The following LRRC4C variants were observed in gnomAD, a reference collection of about 807,000 sequenced individuals.
LRRC4C encodes the protein leucine-rich repeat-containing protein 4C.
LRRC4C carries 5 observed loss-of-function variants against 33.6 expected under a neutral mutation model. The observed-to-expected ratio is 0.15, with a 90% CI of 0.08 to 0.31. The LOEUF (loss-of-function observed/expected upper bound fraction) is 0.31, where lower values mean the gene tolerates loss of function less well. Among genes scored for constraint, LRRC4C ranks in the 10% least tolerant of loss-of-function variants. LRRC4C has a pLI of 1.00. For missense variants in LRRC4C, 560 were observed against 796.7 expected (o/e 0.70, Z 3.58); for synonymous variants, 329 against 302.0 (o/e 1.09, Z -0.93).
intron 5 of LRRC4C, among the ~76,000 whole-genome samples, chr11:40,158,352 A>G (rs1402323579): frequency 6.6e-6 from 1 of 152,098 alleles, no homozygotes; most frequent in Non-Finnish European, 1.5e-5. Flanking sequence ...AAATCTCACA[A>G]ATACCACTAA....
intron 1 of LRRC4C, among the ~76,000 whole-genome samples, chr11:41,133,794 C>T (rs530050279): frequency 6.6e-6 from 1 of 152,288 alleles, no homozygotes; most frequent in African/African-American, 2.4e-5. Flanking sequence ...TACCTTAAAG[C>T]ATTCTTTTCT....
At chr11:40,289,868 C>T (rs1312380988) in intron 4 of LRRC4C, among the ~76,000 whole-genome samples, 1 of 152,014 alleles carries the variant, frequency 6.6e-6, no homozygotes, top group Non-Finnish European at 1.5e-5. Context: ...CATTTCAGAC[C>T]AAAATTTTAA....
At chr11:41,035,910 A>G (rs1857034353) in intron 1 of LRRC4C, among the ~76,000 whole-genome samples, 1 of 152,168 alleles carries the variant, frequency 6.6e-6, no homozygotes, top group Non-Finnish European at 1.5e-5. Flanking sequence ...ACCAGTTAAG[A>G]GAAATGATAG....
At chr11:40,665,954 G>GTA (rs1228795557) in intron 2 of LRRC4C, among the ~76,000 whole-genome samples, 1 of 151,998 alleles carries the variant, frequency 6.6e-6, no homozygotes, top group African/African-American at 2.4e-5. Flanking sequence ...TTATATATGT[G>GTA]TATATATATT....
At chr11:41,264,646 T>C (rs1431276824) in intron 1 of LRRC4C, among the ~76,000 whole-genome samples, 1 of 152,158 alleles carries the variant, frequency 6.6e-6, no homozygotes, top group East Asian at 1.9e-4. Flanking sequence ...TACTTGAATG[T>C]AGATATAAGA....
intron 4 of LRRC4C, among the ~76,000 whole-genome samples, chr11:40,289,206 A>T (rs555734411): frequency 2.6e-5 from 4 of 152,190 alleles, no homozygotes; most frequent in Non-Finnish European, 5.9e-5. Context: ...TAAAGTGCTT[A>T]GCCAGATTGT....
intron 4 of LRRC4C, among the ~76,000 whole-genome samples, chr11:40,270,237 C>T (rs12288036): frequency 0.017 from 2,609 of 152,230 alleles, 84 homozygotes; most frequent in African/African-American, 0.061. Flanking sequence ...ATCTGAGTGG[C>T]TTAAACAATA....
intron 3 of LRRC4C, among the ~76,000 whole-genome samples, chr11:40,543,002 G>T (rs72885139): frequency 6.6e-6 from 1 of 151,918 alleles, no homozygotes; most frequent in Non-Finnish European, 1.5e-5. Context: ...TCTTTCAATA[G>T]CTTCTTAAGT....
At chr11:40,507,579 T>C (rs1955095589) in intron 3 of LRRC4C, among the ~76,000 whole-genome samples, 1 of 152,194 alleles carries the variant, frequency 6.6e-6, no homozygotes, top group Non-Finnish European at 1.5e-5. Context: ...CATTACCATA[T>C]GTGTGAATCA....
At chr11:40,668,003 G>A (rs913129747) in intron 2 of LRRC4C, among the ~76,000 whole-genome samples, 9 of 152,104 alleles carry the variant, frequency 5.9e-5, no homozygotes, top group African/African-American at 1.7e-4. Context: ...TTTCAATTCC[G>A]AGTGTGCTTT....
chr11:41,144,488 C>T (rs981745301), intron 1 of LRRC4C, among the ~76,000 whole-genome samples: 5 of 152,324 alleles, frequency 3.3e-5, no homozygotes, highest in African/African-American at 1.2e-4. Flanking sequence ...TCTATCCCTA[C>T]ATCCCATGGA....
chr11:41,426,832 C>G (rs1344450481), intron 1 of LRRC4C, among the ~76,000 whole-genome samples: 1 of 152,244 alleles, frequency 6.6e-6, no homozygotes, highest in African/African-American at 2.4e-5. Flanking sequence ...CTCAGCATAG[C>G]TTGTTGACTT....
At chr11:40,914,497 AC>A (rs1342435009) in intron 2 of LRRC4C, among the ~76,000 whole-genome samples, 16 of 152,220 alleles carry the variant, frequency 1.1e-4, no homozygotes, top group Admixed American at 9.2e-4. Flanking sequence ...AAATTCGACA[AC>A]CCTTCATGCT....
intron 4 of LRRC4C, among the ~76,000 whole-genome samples, chr11:40,315,619 TC>T (rs1945539009): frequency 6.6e-6 from 1 of 151,908 alleles, no homozygotes; most frequent in African/African-American, 2.4e-5. Flanking sequence ...TATAACACAG[TC>T]TATTTTTAGT....
In LRRC4C at chr11:40,513,622, A is replaced by G. The variant is rs180934413; in HGVS notation, c.-270+134520T>C. ...AGGGCCAGGGCAGGGTTGCATTTTG[A>G]AAAGACCTCTCTGATGCAGTGTGGA... is the stretch of plus-strand genomic sequence containing the variant. On this transcript the variant is annotated intron_variant, in intron 3 of 6. Coordinates refer to ENST00000528697, the MANE Select transcript of LRRC4C (RefSeq NM_001258419.2). Among the ~76,000 whole-genome samples the G allele has an allele frequency of 2.6e-5, 4 of 152,306 alleles. No individual in the cohort carries two copies. The East Asian group carries it at 5.8e-4, about 22-fold the overall frequency.
At chr11:41,306,021 T>TACAAAAA (rs1555142876) in intron 1 of LRRC4C, among the ~76,000 whole-genome samples, 1 of 110,460 alleles carries the variant, frequency 9.1e-6, no homozygotes, top group Non-Finnish European at 2.1e-5. Context: ...TTTCTTTCTC[T>TACAAAAA]AAAAAAAAAA....
chr11:41,232,556 T>C (rs1947847782), intron 1 of LRRC4C, among the ~76,000 whole-genome samples: 1 of 152,084 alleles, frequency 6.6e-6, no homozygotes, highest in Non-Finnish European at 1.5e-5. Context: ...CATTTCAAAA[T>C]ATTAGTTGGC....
chr11:40,421,984 A>C (rs1016157937), intron 3 of LRRC4C, among the ~76,000 whole-genome samples: 2 of 152,232 alleles, frequency 1.3e-5, no homozygotes, highest in Non-Finnish European at 2.9e-5. Context: ...AAGCAAGCCC[A>C]CTGTTTCAGT....
At chr11:40,696,439 C>T (rs1295036722) in intron 2 of LRRC4C, among the ~76,000 whole-genome samples, 2 of 146,328 alleles carry the variant, frequency 1.4e-5, no homozygotes, top group African/African-American at 5.0e-5. Context: ...TATATATATA[C>T]ATATATATAT....
Sources: gnomAD v4.1 joint callset for allele counts (sites outside exome capture counted in the v4.1 genomes callset) on GRCh38, gnomAD v4.1.1 for gene constraint, MANE v1.5 for transcripts, NCBI Gene and HGNC (gene_info 2026-07-23, HGNC 2026-07-21) for gene names.